MSH5: variants seen among roughly 807,000 people sequenced by gnomAD.
MSH5 encodes the protein mutS homolog 5, also known as mutS protein homolog 5.
A neutral mutation model predicts 107.7 loss-of-function variants in MSH5; 78 were observed. The observed-to-expected ratio is 0.72, with a 90% CI of 0.60 to 0.87. The LOEUF (loss-of-function observed/expected upper bound fraction) is 0.87. Among genes scored for constraint, MSH5 ranks in the 40% least tolerant of loss-of-function variants. The pLI, the probability that MSH5 is intolerant of heterozygous loss-of-function variation, is 0.00. For missense variants in MSH5, 889 were observed against 1,046.6 expected (o/e 0.85, Z 2.08); for synonymous variants, 326 against 399.5 (o/e 0.82, Z 2.19).
chr6:31,747,614 A>G (rs1168241680), intron 10 of MSH5, among the ~76,000 whole-genome samples, 182 bp downstream of exon 10: 1 of 152,226 alleles, frequency 6.6e-6, no homozygotes, highest in East Asian at 1.9e-4. Flanking sequence ...AGCTTTGTGT[A>G]GTAGCTGATA....
chr6:31,757,801 C>G, intron 12 of MSH5: 1 of 301,346 alleles, frequency 3.3e-6, no homozygotes. Context: ...TCCCAAGTAG[C>G]TGGAATTACA....
rs1338032876 is a variant in MSH5, at chr6:31,758,850, C to CAT, written c.1302_1303dup (p.Cys435TyrfsTer9). 1 of 1,614,134 alleles carries CAT rather than the reference C, an allele frequency of 6.2e-7. No individual in the cohort carries two copies. The highest frequency in any genetic ancestry group is 2.2e-5 in the East Asian group (1 of 44,876). ...GAGAATCTGGACTCCCGTATTCCTT[C>CAT]ATGCAGTGTCATCTACATCCCTCTG... On this transcript the variant is annotated frameshift_variant, in exon 15 of 25. Transcript: ENST00000375750. LOFTEE classifies it high-confidence loss of function. This position sits in a 1 kb window ranked among gnomAD's most constrained non-coding sequence, Gnocchi z 5.1.
chr6:31,743,230 A>C, intron 5 of MSH5, 60 bp downstream of exon 5: 4 of 1,539,382 alleles, frequency 2.6e-6, no homozygotes, highest in Non-Finnish European at 3.6e-6. Context: ...CTTTCCCCCA[A>C]CTCTACCTTC....
intron 9 of MSH5, 132 bp downstream of exon 9, chr6:31,745,451 T>A: frequency 1.5e-6 from 1 of 662,064 alleles, no homozygotes; most frequent in Non-Finnish European, 2.6e-6. Flanking sequence ...CAATCCAAAT[T>A]TCTTACCTAT....
Position 31,760,974 on chromosome 6 carries a change from G to A in MSH5, c.1962+135G>A. Reference sequence around the variant, plus strand: ...AAAAGTGGGGAGCACTAAGGTCAGAGATAAGAAGAATCAATACCATAAACA... The same window carrying A: ...AAAAGTGGGGAGCACTAAGGTCAGAAATAAGAAGAATCAATACCATAAACA... On this transcript the variant is annotated intron_variant, in intron 20 of 24. Transcript: ENST00000375750. This position sits in a 1 kb window ranked among gnomAD's most constrained non-coding sequence, Gnocchi z 5.6. The A allele has an allele frequency of 8.8e-7, 1 of 1,138,514 alleles. No homozygotes were observed. Among genetic ancestry groups the A allele is most frequent in the Non-Finnish European group, 1.2e-6 (1 of 808,052 alleles). The allele number at this position is 1,138,514 out of a possible 1,614,324, so 70.5% of individuals were successfully genotyped here.
intron 3 of MSH5, among the ~76,000 whole-genome samples, chr6:31,742,059 A>G (rs1021353160): frequency 6.6e-6 from 1 of 151,894 alleles, no homozygotes; most frequent in African/African-American, 2.4e-5. Context: ...TCACCCACAC[A>G]CCTCCTGCTA....
chr6:31,743,007 G>T (rs777104638), intron 4 of MSH5, 50 bp downstream of exon 4: 2 of 1,609,588 alleles, frequency 1.2e-6, no homozygotes, highest in Non-Finnish European at 1.7e-6. Flanking sequence ...ACTAATATAT[G>T]GAATATTCCA....
At chr6:31,757,964 C>T in intron 12 of MSH5, 1 of 652,234 alleles carries the variant, frequency 1.5e-6, no homozygotes, top group Non-Finnish European at 2.6e-6. Flanking sequence ...GCCACTGTGC[C>T]TGGCCAGGAC....
At chr6:31,747,549 A>G (rs1394935207) in intron 10 of MSH5, 117 bp downstream of exon 10, 1 of 1,062,602 alleles carries the variant, frequency 9.4e-7, no homozygotes, top group Non-Finnish European at 1.4e-6. Flanking sequence ...ACCTAGTAGT[A>G]GTAAAGCAAC....
rs568630180 is a variant in MSH5 at position 31,748,690 on chromosome 6, C to T, written c.812+1258C>T. On this transcript the variant is annotated intron_variant, in intron 10 of 24. Transcript: ENST00000375750. ...TAAGTAGAAAGAAAATAACATAAAC[C>T]TTAGGAGGTTTTCCCATTACCTTCA... is the stretch of plus-strand genomic sequence containing the variant. 3.3e-5 allele frequency among the ~76,000 whole-genome samples: 5 copies of T among 152,012 alleles called. No individual in the cohort carries two copies. The South Asian group carries it at 6.2e-4, about 19-fold the overall frequency.
rs762901756 is a variant in MSH5 at position 31,758,595 on chromosome 6, C to T, written c.1191C>T (p.Pro397=). The T allele has an allele frequency of 3.1e-6, 5 of 1,613,836 alleles. No individual in the cohort carries two copies. The highest frequency in any genetic ancestry group is 1.3e-5 in the African/African-American group (1 of 74,916). Residue 397 remains proline (P), a synonymous_variant, in exon 14 of 25, where the codon CCC becomes CCT. Coordinates refer to ENST00000375750, the MANE Select transcript of MSH5 (RefSeq NM_172166.4). The surrounding 1 kb of genome is among the most constrained non-coding windows in gnomAD (Gnocchi z 5.1). Reference sequence around the variant, plus strand: ...CTGAAAATCGCTTCACAGTCCTCCCCAACATAGATCCTGAAATTGATGAGA... The same window carrying T: ...CTGAAAATCGCTTCACAGTCCTCCCTAACATAGATCCTGAAATTGATGAGA... The part of the protein sequence containing the change: ...SLAENRFTVL[P]NIDPEIDEKK...
At chr6:31,748,453 A>G (rs552698818) in intron 10 of MSH5, among the ~76,000 whole-genome samples, 60 of 150,868 alleles carry the variant, frequency 4.0e-4, no homozygotes, top group Non-Finnish European at 7.5e-4. Flanking sequence ...GGTTCAAGCA[A>G]TTCTTCTGCC....
In MSH5 at chr6:31,761,845, G is replaced by T. The variant is rs776713339; in HGVS notation, c.2209G>T (p.Asp737Tyr). 14 of 1,613,042 alleles carry T rather than the reference G, an allele frequency of 8.7e-6. No homozygotes were observed. In the Middle Eastern group the frequency reaches 1.3e-3, roughly 152 times the overall value. ...LTMETCEDGN[D>Y]LVFFYQVCEG... ...CATGGAGACCTGTGAGGATGGCAACGATCTTGTCTTCTTCTATCAGGTTTG... is the reference window on the plus strand; with the variant it reads ...CATGGAGACCTGTGAGGATGGCAACTATCTTGTCTTCTTCTATCAGGTTTG... Residue 737 changes from aspartate to tyrosine, a missense_variant, in exon 23 of 25, where the codon GAT becomes TAT. Transcript: ENST00000375750. The surrounding 1 kb of genome is among the most constrained non-coding windows in gnomAD (Gnocchi z 5.3).
intron 12 of MSH5, 98 bp downstream of exon 12, chr6:31,753,727 T>G: frequency 2.7e-6 from 3 of 1,108,102 alleles, no homozygotes; most frequent in South Asian, 1.4e-5. Flanking sequence ...AATTTTATTC[T>G]ACCCTCTTTT....
At chr6:31,743,360 G>A in intron 5 of MSH5, 190 bp downstream of exon 5, 1 of 636,868 alleles carries the variant, frequency 1.6e-6, no homozygotes. Flanking sequence ...GCAGCTTATT[G>A]GGAAGCCTCT....
chr6:31,750,539 A>G (rs1216324673), intron 10 of MSH5, among the ~76,000 whole-genome samples: 1 of 152,214 alleles, frequency 6.6e-6, no homozygotes, highest in Non-Finnish European at 1.5e-5. Context: ...CAGTTGTTAA[A>G]TTTACAGTTT....
Position 31,759,731 on chromosome 6 carries a change from C to T in MSH5, c.1496-55C>T. ...CAGATCCCCCTAGGGGCCTCTGCCT[C>T]TCCTTCACTTTCCCCTGGAACTGAC... is the stretch of plus-strand genomic sequence containing the variant. On this transcript the variant is annotated intron_variant, in intron 17 of 24. Transcript: ENST00000375750. The surrounding 1 kb of genome is among the most constrained non-coding windows in gnomAD (Gnocchi z 4.7). The T allele has an allele frequency of 6.3e-7, 1 of 1,590,048 alleles. No homozygotes were observed. The highest frequency in any genetic ancestry group is 1.3e-5 in the African/African-American group (1 of 74,648).
intron 12 of MSH5, chr6:31,757,844 A>G (rs967761770): frequency 7.4e-5 from 30 of 406,234 alleles, no homozygotes; most frequent in Non-Finnish European, 1.2e-4. Context: ...TAATTTTTGT[A>G]TTTTGAGTAG....
chr6:31,759,449 T>C lies in MSH5; in HGVS notation c.1432T>C (p.Tyr478His). ...GTTTCTCTCAGAGGAGAAGCTGCAC[T>C]ATCGTAGTGCCCGAACCAAGGAGCT... The part of the protein sequence containing the change: ...FMFLSEEKLH[Y>H]RSARTKELDA... Residue 478 changes from tyrosine (Y) to histidine (H), a missense_variant, in exon 17 of 25, where the codon TAT becomes CAT. Tyr to His is a moderately conservative substitution (Grantham distance 83). Coordinates refer to ENST00000375750, the MANE Select transcript of MSH5 (RefSeq NM_172166.4). The surrounding 1 kb of genome is among the most constrained non-coding windows in gnomAD (Gnocchi z 4.7). The C allele has an allele frequency of 6.2e-7, 1 of 1,612,734 alleles. No homozygotes were observed. Among genetic ancestry groups the C allele is most frequent in the Non-Finnish European group, 8.5e-7 (1 of 1,180,004 alleles).
Sources: allele counts gnomAD v4.1 joint callset (sites outside exome capture counted in the v4.1 genomes callset), GRCh38; gene constraint gnomAD v4.1.1; non-coding constraint Gnocchi (gnomAD v3.1); transcripts MANE v1.5; gene names NCBI Gene and HGNC (gene_info 2026-07-23, HGNC 2026-07-21).